CYP2C18: variants seen among roughly 807,000 people sequenced by gnomAD.
CYP2C18 encodes the protein cytochrome P450 2C18.
Under a neutral mutation model 41.3 loss-of-function variants are expected in CYP2C18, and 38 were observed. The ratio of observed to expected loss-of-function variants is 0.92; its 90% CI spans 0.71 to 1.21. The LOEUF is 1.21. Among genes scored for constraint, CYP2C18 ranks in the 50% most tolerant of loss-of-function variants. The pLI, the probability that CYP2C18 is intolerant of heterozygous loss-of-function variation, is 0.00. For synonymous variants in CYP2C18, 236 were observed against 210.0 expected, an observed-to-expected ratio of 1.12 and a Z score of -1.07; for missense variants, 635 against 591.4, an observed-to-expected ratio of 1.07 and a Z score of -0.77.
intron 4 of CYP2C18, 70 bp downstream of exon 4, chr10:94,695,147 T>C: frequency 7.3e-7 from 1 of 1,362,836 alleles, no homozygotes; most frequent in Non-Finnish European, 1.0e-6. Context: ...ATTTTTTTAA[T>C]TTTTTAAAAT....
chr10:94,731,515 A>G (rs1444353604), intron 7 of CYP2C18, among the ~76,000 whole-genome samples: 1 of 152,082 alleles, frequency 6.6e-6, no homozygotes, highest in Non-Finnish European at 1.5e-5. Flanking sequence ...GCCAAAACAA[A>G]CCTAAGCAAA....
intron 7 of CYP2C18, among the ~76,000 whole-genome samples, chr10:94,729,581 A>G (rs1847796113): frequency 6.6e-6 from 1 of 152,204 alleles, no homozygotes; most frequent in South Asian, 2.1e-4. Flanking sequence ...CAGTGATGGT[A>G]AAGAGAAGCC....
rs148041343 is a variant in CYP2C18, at chr10:94,717,490, A to G, written c.820-2906A>G. Among the ~76,000 whole-genome samples the G allele has an allele frequency of 4.5e-3, 689 of 152,230 alleles. 7 individuals are homozygous for G. The highest frequency in any genetic ancestry group is 0.015 in the African/African-American group (639 of 41,536). Reference sequence around the variant, plus strand: ...TTCTGGGTTGAAAATTCTTTTCTTTAAGAATGTTGAATATCGGCCCCCACT... The same window carrying G: ...TTCTGGGTTGAAAATTCTTTTCTTTGAGAATGTTGAATATCGGCCCCCACT... On this transcript the variant is annotated intron_variant, in intron 5 of 8. Transcript: ENST00000285979.
intron 7 of CYP2C18, among the ~76,000 whole-genome samples, chr10:94,729,226 G>A (rs1330353653): frequency 6.6e-6 from 1 of 152,140 alleles, no homozygotes; most frequent in African/African-American, 2.4e-5. Flanking sequence ...GGCAATGGCT[G>A]CTCAATAAGA....
chr10:94,708,939 G>A (rs1847387735), intron 5 of CYP2C18, among the ~76,000 whole-genome samples: 1 of 152,126 alleles, frequency 6.6e-6, no homozygotes. Flanking sequence ...TAATATTTGG[G>A]TGTGGCTATA....
chr10:94,727,723 A>G (rs568226601), intron 7 of CYP2C18, among the ~76,000 whole-genome samples: 3 of 152,300 alleles, frequency 2.0e-5, no homozygotes, highest in Middle Eastern at 3.4e-3. Context: ...TGTAGCAACT[A>G]TTATGTAGCA....
intron 6 of CYP2C18, among the ~76,000 whole-genome samples, chr10:94,722,131 G>GA (rs1847656904): frequency 6.6e-6 from 1 of 152,120 alleles, no homozygotes; most frequent in African/African-American, 2.4e-5. Flanking sequence ...GATAGCCTGA[G>GA]AAAATCTGTA....
At chr10:94,734,589 G>A in intron 8 of CYP2C18, among the ~76,000 whole-genome samples, 1 of 152,128 alleles carries the variant, frequency 6.6e-6, no homozygotes. Flanking sequence ...TAGGAGTAGA[G>A]CTTTTTAGGC....
intron 7 of CYP2C18, among the ~76,000 whole-genome samples, chr10:94,732,307 G>C (rs1396858667): frequency 6.6e-6 from 1 of 151,516 alleles, no homozygotes; most frequent in Non-Finnish European, 1.5e-5. Context: ...CTATGATTAA[G>C]AAGTCAAAAA....
chr10:94,713,551 G>T (rs966360070), intron 5 of CYP2C18, among the ~76,000 whole-genome samples: 1 of 152,152 alleles, frequency 6.6e-6, no homozygotes. Flanking sequence ...TGGTGTATAT[G>T]TGCCACATTT....
intron 7 of CYP2C18, among the ~76,000 whole-genome samples, chr10:94,724,757 T>C (rs1847709579): frequency 7.7e-6 from 1 of 129,190 alleles, no homozygotes; most frequent in African/African-American, 2.9e-5. Flanking sequence ...GCTTCTTTAG[T>C]ATTTTTTTTT....
At chr10:94,695,305 C>T (rs1404799498) in intron 4 of CYP2C18, among the ~76,000 whole-genome samples, 1 of 152,022 alleles carries the variant, frequency 6.6e-6, no homozygotes, top group Non-Finnish European at 1.5e-5. Flanking sequence ...CCCCAATCAC[C>T]CAACAGGCCC....
chr10:94,703,508 C>T (rs1847281827), intron 4 of CYP2C18, among the ~76,000 whole-genome samples: 1 of 152,298 alleles, frequency 6.6e-6, no homozygotes, highest in South Asian at 2.1e-4. Flanking sequence ...CCAGACTCAT[C>T]TTCCCAGAGG....
At chr10:94,693,209 G>A (rs1847045040) in intron 3 of CYP2C18, among the ~76,000 whole-genome samples, 1 of 152,152 alleles carries the variant, frequency 6.6e-6, no homozygotes, top group Non-Finnish European at 1.5e-5. Flanking sequence ...CTTGTGAGAG[G>A]TGATTGGATC....
chr10:94,692,842 T>TA (rs1272408657), intron 3 of CYP2C18, among the ~76,000 whole-genome samples: 1 of 152,042 alleles, frequency 6.6e-6, no homozygotes, highest in African/African-American at 2.4e-5. Context: ...TATGCAGCCA[T>TA]AAAAAATGAT....
At chr10:94,699,535 C>T (rs1178118597) in intron 4 of CYP2C18, among the ~76,000 whole-genome samples, 1 of 152,122 alleles carries the variant, frequency 6.6e-6, no homozygotes, top group African/African-American at 2.4e-5. Flanking sequence ...CGAATGGGCA[C>T]AAACTGGAAG....
intron 5 of CYP2C18, among the ~76,000 whole-genome samples, chr10:94,709,318 G>A (rs1847394958): frequency 6.6e-6 from 1 of 152,160 alleles, no homozygotes; most frequent in Non-Finnish European, 1.5e-5. Context: ...TCCCAGTGGG[G>A]TTGAGGTGGT....
At chr10:94,731,081 G>C (rs923991223) in intron 7 of CYP2C18, among the ~76,000 whole-genome samples, 3 of 152,062 alleles carry the variant, frequency 2.0e-5, no homozygotes, top group African/African-American at 7.2e-5. Context: ...AATCAATACT[G>C]TTAAAATGGC....
chr10:94,709,242 A>C (rs1159283589), intron 5 of CYP2C18, among the ~76,000 whole-genome samples: 1 of 152,144 alleles, frequency 6.6e-6, no homozygotes, highest in Non-Finnish European at 1.5e-5. Flanking sequence ...TTCTCACTAC[A>C]ATGTTTTGAG....
Sources: gnomAD v4.1 joint callset for allele counts (sites outside exome capture counted in the v4.1 genomes callset) on GRCh38, gnomAD v4.1.1 for gene constraint, MANE v1.5 for transcripts, NCBI Gene and HGNC (gene_info 2026-07-23, HGNC 2026-07-21) for gene names.